The following MAPK8IP1 variants were observed in gnomAD, a reference collection of about 807,000 sequenced individuals.
The protein encoded by MAPK8IP1 is C-Jun-amino-terminal kinase-interacting protein 1.
A neutral mutation model predicts 72.6 loss-of-function variants in MAPK8IP1; 17 were observed. The observed-to-expected ratio is 0.23, with a 90% confidence interval of 0.16 to 0.35. The LOEUF (loss-of-function observed/expected upper bound fraction) is 0.35. Among genes scored for constraint, MAPK8IP1 ranks in the 10% least tolerant of loss-of-function variants. MAPK8IP1 has a pLI of 1.00. For synonymous variants in MAPK8IP1, 401 were observed against 443.4 expected (o/e 0.90, Z 1.20); for missense variants, 789 against 1,009.7 (o/e 0.78, Z 2.96).
rs2086706893 is a variant in MAPK8IP1, at chr11:45,906,114, C to G, written c.*393C>G. ...AAGCCCGTGTCCTGCCTTGATGAAG[C>G]CTGTGCCACCTGCAAGTGCCCGCCC... On this transcript the variant is annotated 3_prime_UTR_variant, in exon 12 of 12. Coordinates refer to ENST00000241014, the MANE Select transcript of MAPK8IP1 (RefSeq NM_005456.4). 1.5e-5 allele frequency: 6 copies of G among 388,360 alleles called. No homozygotes were observed. The highest frequency in any genetic ancestry group is 9.6e-5 in the South Asian group (3 of 31,270). 24.1% of individuals were successfully genotyped at this position (388,360 alleles called of 1,614,324 possible).
At chr11:45,905,570 C>A in intron 11 of MAPK8IP1, 79 bp from the exon 12 acceptor site, 1 of 1,322,874 alleles carries the variant, frequency 7.6e-7, no homozygotes, top group Non-Finnish European at 1.1e-6. Context: ...AAGGCTCCAG[C>A]GGGAAAACCC....
rs1168738041 is a variant in MAPK8IP1, at chr11:45,906,433, C to T, written c.*712C>T. On this transcript the variant is annotated 3_prime_UTR_variant, in exon 12 of 12. Coordinates refer to ENST00000241014, the MANE Select transcript of MAPK8IP1 (RefSeq NM_005456.4). ...CCCCATCTTGGTCCTGTCACCCTGG[C>T]CCCAACTATTAAAGTGCCATTTCCT... The T allele has an allele frequency of 2.5e-6, 3 of 1,190,324 alleles. No homozygotes were observed. In the East Asian group the frequency reaches 7.8e-5, roughly 31 times the overall value. 73.7% of individuals were successfully genotyped at this position (1,190,324 alleles called of 1,614,324 possible). A position where few individuals can be genotyped will look rare whatever the true frequency, so the allele number is the denominator to read the frequency against.
At position 45,885,779 on chromosome 11, in the gene MAPK8IP1, C is replaced by T; in HGVS notation, c.-42C>T. 8.2e-7 allele frequency: 1 copy of T among 1,224,710 alleles called. No homozygotes were observed. The highest frequency in any genetic ancestry group is 1.1e-6 in the Non-Finnish European group (1 of 949,252). The allele number at this position is 1,224,710 out of a possible 1,614,324, so 75.9% of individuals were successfully genotyped here. A position where few individuals can be genotyped will look rare whatever the true frequency, so the allele number is the denominator to read the frequency against. On this transcript the variant is annotated 5_prime_UTR_variant, in exon 1 of 12. Coordinates refer to ENST00000241014, the MANE Select transcript of MAPK8IP1 (RefSeq NM_005456.4). ...GCCTCCTTCGCAGCCGCCGCCTCCT[C>T]CGCGCCGCGCTCCGCCCGGATGGCC...
intron 2 of MAPK8IP1, among the ~76,000 whole-genome samples, chr11:45,899,754 C>A (rs887681195): frequency 6.6e-6 from 1 of 152,226 alleles, no homozygotes; most frequent in Non-Finnish European, 1.5e-5. Context: ...ATTTCCCCAA[C>A]CCCCATCCCT....
At chr11:45,905,523 G>A in intron 11 of MAPK8IP1, 126 bp from the exon 12 acceptor site, 1 of 885,434 alleles carries the variant, frequency 1.1e-6, no homozygotes, top group Non-Finnish European at 1.9e-6. Flanking sequence ...GAGCCAAGTG[G>A]CCCCAGCCAG....
Position 45,903,265 on chromosome 11 carries a change from AC to A in MAPK8IP1, c.1417+85del. On this transcript the variant is annotated intron_variant, in intron 5 of 11. Coordinates refer to ENST00000241014, the MANE Select transcript of MAPK8IP1 (RefSeq NM_005456.4). This position sits in a 1 kb window ranked among gnomAD's most constrained non-coding sequence, Gnocchi z 6.4. Reference sequence around the variant, plus strand: ...AAAATGCGAAGTGTTCTGGGAGGCGACCCCAGGCCCCATCTGGTTAGGACTG... The same window carrying A: ...AAAATGCGAAGTGTTCTGGGAGGCGACCCAGGCCCCATCTGGTTAGGACTG... 1 of 1,578,004 alleles carries A rather than the reference AC, an allele frequency of 6.3e-7. No individual in the cohort carries two copies. The highest frequency in any genetic ancestry group is 8.7e-7 in the Non-Finnish European group (1 of 1,155,084).
In MAPK8IP1 at chr11:45,902,381, C is replaced by T. The variant is rs1354266437; in HGVS notation, c.614C>T (p.Thr205Ile). ...SSSPLKTGEQ[T>I]PPHEHICLSD... is the part of the protein sequence containing the mutation. The stretch of plus-strand genomic sequence containing the variant: ...CCTGCCTGCTCTCCAGGGGAGCAGA[C>T]ACCACCGCATGAACACATCTGCCTG... The change falls in exon 5 of 12, where the codon ACA becomes ATA. Residue 205 changes from threonine (T) to isoleucine (I), a missense_variant. Coordinates refer to ENST00000241014, the MANE Select transcript of MAPK8IP1 (RefSeq NM_005456.4). The surrounding 1 kb of genome is among the most constrained non-coding windows in gnomAD (Gnocchi z 9.3). The T allele has an allele frequency of 6.4e-7, 1 of 1,566,312 alleles. No individual in the cohort carries two copies. The highest frequency in any genetic ancestry group is 2.4e-5 in the East Asian group (1 of 42,544).
intron 1 of MAPK8IP1, chr11:45,897,022 T>G: frequency 1.3e-6 from 2 of 1,495,548 alleles, no homozygotes; most frequent in Non-Finnish European, 1.8e-6. Flanking sequence ...GGGTCTCTGA[T>G]CTGAATGAGG....
intron 1 of MAPK8IP1, among the ~76,000 whole-genome samples, chr11:45,887,897 G>A (rs1281919288): frequency 1.3e-5 from 2 of 152,244 alleles, no homozygotes; most frequent in Admixed American, 1.3e-4. Context: ...CTCTCACTGT[G>A]CTTGGCCAGG....
Position 45,905,688 on chromosome 11 carries a change from C to T in MAPK8IP1, c.2103C>T (p.Tyr701=). The change falls in exon 12 of 12, where the codon TAC becomes TAT. Residue 701 remains tyrosine, a synonymous_variant. Coordinates refer to ENST00000241014, the MANE Select transcript of MAPK8IP1 (RefSeq NM_005456.4). ...AGTTCTACAAGCAGTTTGTGGAGTA[C>T]ACCTGCCCCACAGAAGATATCTACC... ...FQQFYKQFVE[Y]TCPTEDIYLE 3 of 1,613,874 alleles carry T rather than the reference C, an allele frequency of 1.9e-6. No individual in the cohort carries two copies. The highest frequency in any genetic ancestry group is 1.7e-6 in the Non-Finnish European group (2 of 1,179,848).
intron 10 of MAPK8IP1, 45 bp from the exon 11 acceptor site, chr11:45,905,106 G>A (rs763237220): frequency 1.9e-6 from 3 of 1,610,270 alleles, no homozygotes; most frequent in Non-Finnish European, 2.5e-6. Context: ...GTGGGTGGGT[G>A]TGGGCCGAGC....
chr11:45,885,735 G>T lies in MAPK8IP1; in HGVS notation c.-86G>T, dbSNP rs1258715920. The T allele has an allele frequency of 1.4e-5, 10 of 713,788 alleles. No homozygotes were observed. The East Asian group carries it at 2.1e-4, about 15-fold the overall frequency. The allele number at this position is 713,788 out of a possible 1,614,324, so 44.2% of individuals were successfully genotyped here. On this transcript the variant is annotated 5_prime_UTR_variant, in exon 1 of 12. Coordinates refer to ENST00000241014, the MANE Select transcript of MAPK8IP1 (RefSeq NM_005456.4). ...TAGCCCGAACTCCGCGGCGGCGGCT[G>T]CCCTCTCGCCGCGCCTCCGCCTCCT...
In MAPK8IP1 at chr11:45,905,759, G is replaced by A. The variant is rs1013017762; in HGVS notation, c.*38G>A. ...GCCCTCTGCGTCCCCCAGCCCTCAG[G>A]CCAGTGCCAGGACAGCTGGCTGCTG... On this transcript the variant is annotated 3_prime_UTR_variant, in exon 12 of 12. Transcript: ENST00000241014. 1.6e-5 allele frequency: 26 copies of A among 1,586,668 alleles called. No individual in the cohort carries two copies. The highest frequency in any genetic ancestry group is 2.0e-5 in the Non-Finnish European group (23 of 1,157,418).
chr11:45,904,126 C>T lies in MAPK8IP1; in HGVS notation c.1631C>T (p.Ala544Val). Residue 544 changes from alanine to valine, a missense_variant, in exon 7 of 12, where the codon GCC becomes GTC. By Grantham distance (64) the Ala-to-Val change is moderately conservative. Transcript: ENST00000241014. This position sits in a 1 kb window ranked among gnomAD's most constrained non-coding sequence, Gnocchi z 6.4. ...CGGGGTGTCTTTCCTGCCTATTACG[C>T]CATCGAGGTCACCAAGGAGCCCGAG... is the stretch of plus-strand genomic sequence containing the variant. ...GARGVFPAYY[A>V]IEVTKEPEHM... 6.2e-7 allele frequency: 1 copy of T among 1,614,046 alleles called. No individual in the cohort carries two copies. Among genetic ancestry groups the T allele is most frequent in the Non-Finnish European group, 8.5e-7 (1 of 1,180,018 alleles).
At position 45,898,207 on chromosome 11, in the gene MAPK8IP1, A is replaced by G. The variant is rs765168888; in HGVS notation, c.207+17A>G. On this transcript the variant is annotated intron_variant, in intron 2 of 11. Coordinates refer to ENST00000241014, the MANE Select transcript of MAPK8IP1 (RefSeq NM_005456.4). ...TCCTTACGGGTAAGGGCAAGCTCCC[A>G]GGAGCTCCTGAGTGGGGTGGCAGGA... 1 of 1,577,810 alleles carries G rather than the reference A, an allele frequency of 6.3e-7. No individual in the cohort carries two copies. Among genetic ancestry groups the G allele is most frequent in the Non-Finnish European group, 8.7e-7 (1 of 1,148,438 alleles).
Position 45,902,458 on chromosome 11 carries a change from A to G in MAPK8IP1, c.691A>G (p.Thr231Ala). Reference protein sequence around the residue: ...SGPAPTTDRGTSTDSPCRRST... With the variant: ...SGPAPTTDRGASTDSPCRRST... ...CCCCGCCCCCACCACAGATCGAGGC[A>G]CCTCCACCGACAGCCCTTGCCGCCG... Residue 231 changes from threonine (T) to alanine (A), a missense_variant, in exon 5 of 12, where the codon ACC becomes GCC. Coordinates refer to ENST00000241014, the MANE Select transcript of MAPK8IP1 (RefSeq NM_005456.4). This position sits in a 1 kb window ranked among gnomAD's most constrained non-coding sequence, Gnocchi z 9.3. 1 of 1,598,596 alleles carries G rather than the reference A, an allele frequency of 6.3e-7. No individual in the cohort carries two copies. Among genetic ancestry groups the G allele is most frequent in the Non-Finnish European group, 8.5e-7 (1 of 1,173,832 alleles).
Position 45,904,918 on chromosome 11 carries a change from C to T in MAPK8IP1, c.1894-53C>T. 1 of 1,600,924 alleles carries T rather than the reference C, an allele frequency of 6.2e-7. No individual in the cohort carries two copies. Among genetic ancestry groups the T allele is most frequent in the East Asian group, 2.2e-5 (1 of 44,806 alleles). On this transcript the variant is annotated intron_variant, in intron 9 of 11. Coordinates refer to ENST00000241014, the MANE Select transcript of MAPK8IP1 (RefSeq NM_005456.4). This position sits in a 1 kb window ranked among gnomAD's most constrained non-coding sequence, Gnocchi z 6.4. ...GTGATGAAGAGGCCATCTCCTGTCA[C>T]CCTCACTGCAGGCCAGGTGACCGCC...
intron 1 of MAPK8IP1, among the ~76,000 whole-genome samples, chr11:45,897,624 C>T (rs939972161): frequency 3.3e-5 from 5 of 152,184 alleles, no homozygotes; most frequent in African/African-American, 9.6e-5. Flanking sequence ...TGAGCTGGGG[C>T]GTGGGGCACT....
rs376478598 is a variant in MAPK8IP1, at chr11:45,903,227, C to T, written c.1417+43C>T. On this transcript the variant is annotated intron_variant, in intron 5 of 11. Transcript: ENST00000241014. This position sits in a 1 kb window ranked among gnomAD's most constrained non-coding sequence, Gnocchi z 6.4. ...AGCAGTGGGGTGGGGGGGTCCCTAG[C>T]GGGGGCAGAGCCAAAATGCGAAGTG... 22 of 1,584,968 alleles carry T rather than the reference C, an allele frequency of 1.4e-5. No homozygotes were observed. The highest frequency in any genetic ancestry group is 5.4e-5 in the African/African-American group (4 of 74,340).
Sources: allele counts gnomAD v4.1 joint callset (sites outside exome capture counted in the v4.1 genomes callset), GRCh38; gene constraint gnomAD v4.1.1; non-coding constraint Gnocchi (gnomAD v3.1); transcripts MANE v1.5; gene names NCBI Gene and HGNC (gene_info 2026-07-23, HGNC 2026-07-21).